Variants in CCNT1 observed in about 807,000 individuals in gnomAD.
CCNT1 encodes cyclin-T1.
CCNT1 carries 18 observed loss-of-function variants against 67.3 expected under a neutral mutation model. The ratio of observed to expected loss-of-function variants is 0.27; its 90% CI spans 0.18 to 0.40. The LOEUF is 0.40. Ranked by LOEUF, CCNT1 falls within the 10% of genes least tolerant of loss-of-function variation. The pLI is 1.00. For missense variants in CCNT1, 744 were observed against 884.9 expected, an observed-to-expected ratio of 0.84 and a Z score of 2.02; for synonymous variants, 333 against 310.3, an observed-to-expected ratio of 1.07 and a Z score of -0.77.
intron 8 of CCNT1, 58 bp downstream of exon 8, chr12:48,695,701 A>G: frequency 8.7e-7 from 1 of 1,155,386 alleles, no homozygotes; most frequent in South Asian, 1.2e-5. Context: ...TGGTATATTC[A>G]CTGGTGCAGT....
chr12:48,716,509 G>A lies in CCNT1; in HGVS notation c.161+6C>T. On this transcript the variant is annotated splice_donor_region_variant and intron_variant, in intron 1 of 8. Coordinates refer to ENST00000261900, the MANE Select transcript of CCNT1 (RefSeq NM_001240.4). ...CCAAGGCCGAAGGCCTAGGCCACAAGGATACACGTTAAGACGCTGCCCCAT... is the reference window on the plus strand; with the variant it reads ...CCAAGGCCGAAGGCCTAGGCCACAAAGATACACGTTAAGACGCTGCCCCAT... 1 of 1,611,794 alleles carries A rather than the reference G, an allele frequency of 6.2e-7. No homozygotes were observed. Among genetic ancestry groups the A allele is most frequent in the Non-Finnish European group, 8.5e-7 (1 of 1,178,460 alleles).
rs761091842 is a variant in CCNT1, at chr12:48,693,424, G to A, written c.1790C>T (p.Ser597Phe). Residue 597 changes from serine (S) to phenylalanine (F), a missense_variant, in exon 9 of 9, where the codon TCC becomes TTC. This residue lies in a region of CCNT1 where 564 missense variants were observed against 574.2 expected (regional missense o/e 0.98). Coordinates refer to ENST00000261900, the MANE Select transcript of CCNT1 (RefSeq NM_001240.4). ...AGGGAAGGAGAAATTTAGGGAAGAG[G>A]ATTTAGTACTCTTGGCAATCTTGGC... ...HPAKIAKSTK[S>F]SSLNFSFPSL... 6.2e-7 allele frequency: 1 copy of A among 1,614,204 alleles called. No individual in the cohort carries two copies. The highest frequency in any genetic ancestry group is 1.1e-5 in the South Asian group (1 of 91,076).
chr12:48,699,625 A>G lies in CCNT1; in HGVS notation c.496+153T>C, dbSNP rs555604163. On this transcript the variant is annotated intron_variant, in intron 5 of 8. Transcript: ENST00000261900. The stretch of plus-strand genomic sequence containing the variant: ...AATATTACTTGTAAGAACCCAACAG[A>G]AAAACATCAAGTCAGAACAACTCAT... 8.5e-4 allele frequency among the ~76,000 whole-genome samples: 129 copies of G among 152,364 alleles called. 1 individual carries two copies. The highest frequency in any genetic ancestry group is 2.9e-3 in the African/African-American group (121 of 41,584).
At chr12:48,697,534 A>AAAAAATATAT (rs1288926072) in intron 6 of CCNT1, among the ~76,000 whole-genome samples, 3 of 130,708 alleles carry the variant, frequency 2.3e-5, no homozygotes, top group African/African-American at 9.1e-5. Flanking sequence ...AAAAAAAAAA[A>AAAAAATATAT]ATATATATAT....
intron 1 of CCNT1, among the ~76,000 whole-genome samples, chr12:48,715,133 A>G (rs1487038274): frequency 1.3e-5 from 2 of 152,304 alleles, no homozygotes; most frequent in African/African-American, 4.8e-5. Flanking sequence ...ATGACAACAC[A>G]CATACAAAAA....
Position 48,694,256 on chromosome 12 carries a change from A to G in CCNT1, c.958T>C (p.Ser320Pro). The part of the protein sequence containing the change: ...VPSLPVSEES[S>P]SNLTSVEMLP... ...ATCTCCACACTGGTTAAGTTGCTGG[A>G]TGACTCTTCGGAGACTGGCAGGGAA... The change falls in exon 9 of 9, where the codon TCC becomes CCC. Residue 320 changes from serine to proline, a missense_variant. Physicochemically the swap from Ser to Pro is moderately conservative, Grantham distance 74. Around this residue, in one of 3 missense-constraint regions of CCNT1, gnomAD observed 564 missense variants for 574.2 expected, o/e 0.98. Coordinates refer to ENST00000261900, the MANE Select transcript of CCNT1 (RefSeq NM_001240.4). 6.2e-7 allele frequency: 1 copy of G among 1,614,206 alleles called. No homozygotes were observed. The highest frequency in any genetic ancestry group is 2.2e-5 in the East Asian group (1 of 44,872).
chr12:48,693,673 G>A lies in CCNT1; in HGVS notation c.1541C>T (p.Pro514Leu). The change falls in exon 9 of 9, where the codon CCA (proline) becomes CTA (leucine). Residue 514 changes from proline to leucine, a missense_variant. This residue lies in a region of CCNT1 where 564 missense variants were observed against 574.2 expected (regional missense o/e 0.98). Coordinates refer to ENST00000261900, the MANE Select transcript of CCNT1 (RefSeq NM_001240.4). ...ATTATGATGATGATGATGATTAGATGGGTGAGTCTTGTGCTTTTCTTTGTG... is the reference window on the plus strand; with the variant it reads ...ATTATGATGATGATGATGATTAGATAGGTGAGTCTTGTGCTTTTCTTTGTG... Reference protein sequence around the residue: ...REHKEKHKTHPSNHHHHHNHH... With the variant: ...REHKEKHKTHLSNHHHHHNHH... The A allele has an allele frequency of 1.2e-6, 2 of 1,614,108 alleles. No individual in the cohort carries two copies. Among genetic ancestry groups the A allele is most frequent in the Non-Finnish European group, 1.7e-6 (2 of 1,180,024 alleles).
Position 48,693,325 on chromosome 12 carries a change from C to T in CCNT1, c.1889G>A (p.Cys630Tyr), listed in dbSNP as rs750819468. The T allele has an allele frequency of 1.1e-5, 17 of 1,614,112 alleles. No homozygotes were observed. In the Admixed American group the frequency reaches 1.3e-4, roughly 13 times the overall value. Residue 630 changes from cysteine (C) to tyrosine (Y), a missense_variant, in exon 9 of 9, where the codon TGT becomes TAT. Transcript: ENST00000261900. ...TSGLSFSQPS[C>Y]KTRVPHSKLD... ...TTTCGAATGAGGGACACGAGTTTTA[C>T]AGCTGGGCTGTGAAAAGGAAAGGCC... is the stretch of plus-strand genomic sequence containing the variant.
intron 4 of CCNT1, among the ~76,000 whole-genome samples, chr12:48,700,629 T>C (rs1940250373): frequency 6.6e-6 from 1 of 152,236 alleles, no homozygotes; most frequent in Non-Finnish European, 1.5e-5. Context: ...TCCCCCACTT[T>C]CACTCTGCTG....
intron 6 of CCNT1, among the ~76,000 whole-genome samples, chr12:48,697,478 G>A (rs952264958): frequency 8.2e-5 from 12 of 145,514 alleles, no homozygotes; most frequent in East Asian, 8.1e-4. Context: ...AGCCAAGATC[G>A]CACCACTTCA....
At chr12:48,705,304 T>TG (rs1940338766) in intron 3 of CCNT1, among the ~76,000 whole-genome samples, 1 of 151,390 alleles carries the variant, frequency 6.6e-6, no homozygotes, top group South Asian at 2.1e-4. Flanking sequence ...TTGTTGTTGT[T>TG]TTTCTTTTTT....
intron 2 of CCNT1, among the ~76,000 whole-genome samples, chr12:48,707,288 CTTTTT>C (rs779298084): frequency 1.5e-5 from 2 of 133,290 alleles, no homozygotes; most frequent in African/African-American, 5.9e-5. Context: ...TTTTTTCTTT[CTTTTT>C]TTTTTTTTTT....
intron 1 of CCNT1, among the ~76,000 whole-genome samples, 189 bp downstream of exon 1, chr12:48,716,326 A>C (rs1211669339): frequency 2.6e-5 from 4 of 152,240 alleles, no homozygotes; most frequent in Non-Finnish European, 5.9e-5. Flanking sequence ...GCGAGCGGGA[A>C]ATCAACTCTG....
At chr12:48,704,839 G>C (rs926830102) in intron 3 of CCNT1, among the ~76,000 whole-genome samples, 11 of 152,074 alleles carry the variant, frequency 7.2e-5, no homozygotes, top group Admixed American at 5.9e-4. Context: ...GGCTCCCACT[G>C]ATTCTACGTT....
chr12:48,694,178 T>C lies in CCNT1; in HGVS notation c.1036A>G (p.Thr346Ala), dbSNP rs774159319. 1 of 1,614,040 alleles carries C rather than the reference T, an allele frequency of 6.2e-7. No homozygotes were observed. The highest frequency in any genetic ancestry group is 1.1e-5 in the South Asian group (1 of 91,090). ...TTCTCACTAGTCCGATGACCCTGAG[T>C]AGGTTCTAGTTTGAAAGAAGGTTGG... is the stretch of plus-strand genomic sequence containing the variant. ...SSQPSFKLEP[T>A]QGHRTSENLA... Residue 346 changes from threonine to alanine, a missense_variant, in exon 9 of 9, where the codon ACT (threonine) becomes GCT (alanine). Physicochemically the swap from Thr to Ala is moderately conservative, Grantham distance 58. Transcript: ENST00000261900.
chr12:48,696,717 T>G (rs945385530), intron 6 of CCNT1, among the ~76,000 whole-genome samples: 2 of 152,196 alleles, frequency 1.3e-5, no homozygotes, highest in African/African-American at 4.8e-5. Context: ...TTTCAAAACT[T>G]TTTCGTAACA....
At chr12:48,696,820 C>T (rs899336764) in intron 6 of CCNT1, among the ~76,000 whole-genome samples, 7 of 152,130 alleles carry the variant, frequency 4.6e-5, no homozygotes, top group African/African-American at 1.7e-4. Flanking sequence ...TTTGGTAATA[C>T]AAGTTATGTA....
chr12:48,693,349 C>T lies in CCNT1; in HGVS notation c.1865G>A (p.Gly622Asp). ...QMPGHSSDTS[G>D]LSFSQPSCKT... Reference sequence around the variant, plus strand: ...ACAGCTGGGCTGTGAAAAGGAAAGGCCACTTGTGTCTGAGCTATGCCCAGG... The same window carrying T: ...ACAGCTGGGCTGTGAAAAGGAAAGGTCACTTGTGTCTGAGCTATGCCCAGG... Residue 622 changes from glycine (G) to aspartate (D), a missense_variant, in exon 9 of 9, where the codon GGC becomes GAC. By Grantham distance (94) the Gly-to-Asp change is moderately conservative (BLOSUM62 -1). Transcript: ENST00000261900. 6.2e-7 allele frequency: 1 copy of T among 1,614,184 alleles called. No individual in the cohort carries two copies. Among genetic ancestry groups the T allele is most frequent in the Non-Finnish European group, 8.5e-7 (1 of 1,180,036 alleles).
At chr12:48,715,671 C>G (rs985592453) in intron 1 of CCNT1, among the ~76,000 whole-genome samples, 4 of 152,062 alleles carry the variant, frequency 2.6e-5, no homozygotes, top group Non-Finnish European at 5.9e-5. Context: ...TCATGTTGGC[C>G]AGGCTGGTCT....
Sources: gnomAD v4.1 joint callset for allele counts (sites outside exome capture counted in the v4.1 genomes callset) on GRCh38, gnomAD v4.1.1 for gene constraint, gnomAD v4.1.1 regional missense constraint, MANE v1.5 for transcripts, NCBI Gene and HGNC (gene_info 2026-07-23, HGNC 2026-07-21) for gene names.